BCO1: variants seen among roughly 807,000 people sequenced by gnomAD.
BCO1 encodes beta-carotene oxygenase 1.
In BCO1, 54 loss-of-function variants were observed where a neutral mutation model predicts 56.3. The ratio of observed to expected loss-of-function variants is 0.96; its 90% confidence interval spans 0.77 to 1.20. The LOEUF is 1.20. BCO1 is among the 50% of genes most tolerant of loss of function. The pLI, the probability that BCO1 is intolerant of heterozygous loss-of-function variation, is 0.00. For synonymous variants in BCO1, 318 were observed against 266.1 expected (o/e 1.20, Z -1.90); for missense variants, 801 against 690.9 (o/e 1.16, Z -1.79).
chr16:81,263,022 C>T (rs1906593295), intron 4 of BCO1: 1 of 152,548 alleles, frequency 6.6e-6, no homozygotes, highest in South Asian at 2.1e-4. Flanking sequence ...CCCTGGTGTT[C>T]CTCAGCTTGT....
At chr16:81,267,334 C>A (rs555005273) in intron 5 of BCO1, among the ~76,000 whole-genome samples, 1 of 152,122 alleles carries the variant, frequency 6.6e-6, no homozygotes, top group Non-Finnish European at 1.5e-5. Flanking sequence ...TAATTATGGC[C>A]GGGCGCAGTG....
chr16:81,274,582 TA>T (rs1907439875), intron 7 of BCO1, among the ~76,000 whole-genome samples: 1 of 149,328 alleles, frequency 6.7e-6, no homozygotes, highest in African/African-American at 2.4e-5. Context: ...TGTGTATCTT[TA>T]AAAGCCATCA....
intron 1 of BCO1, among the ~76,000 whole-genome samples, chr16:81,240,245 C>G (rs1354498071): frequency 6.6e-6 from 1 of 151,964 alleles, no homozygotes; most frequent in East Asian, 1.9e-4. Flanking sequence ...ATCTCTTAAC[C>G]ACTATTAATA....
chr16:81,286,336 T>G (rs1465203662), intron 9 of BCO1, among the ~76,000 whole-genome samples: 1 of 152,088 alleles, frequency 6.6e-6, no homozygotes, highest in African/African-American at 2.4e-5. Flanking sequence ...AGAGCAGGAA[T>G]GTACACAGCC....
chr16:81,240,538 C>T (rs1324845562), intron 1 of BCO1, among the ~76,000 whole-genome samples: 1 of 152,010 alleles, frequency 6.6e-6, no homozygotes, highest in Non-Finnish European at 1.5e-5. Context: ...AAATCCCTCT[C>T]TACTAAAAAT....
At chr16:81,245,409 A>AC in intron 1 of BCO1, 66 bp from the exon 2 acceptor site, 2 of 1,612,870 alleles carry the variant, frequency 1.2e-6, no homozygotes, top group Non-Finnish European at 1.7e-6. Flanking sequence ...CCTTTCCATG[A>AC]CCATTTCTTC....
rs116193928 is a variant in BCO1 at position 81,285,839 on chromosome 16, G to A, written c.1302+205G>A. 3.3e-3 allele frequency among the ~76,000 whole-genome samples: 498 copies of A among 152,130 alleles called. 5 individuals carry two copies. Among genetic ancestry groups the A allele is most frequent in the African/African-American group, 0.011 (475 of 41,486 alleles). ...AAGGTTCAGGTAAGAGGTTGTGGCTGGAGTTTATTCACTGATTTCTTTATT... is the reference window on the plus strand; with the variant it reads ...AAGGTTCAGGTAAGAGGTTGTGGCTAGAGTTTATTCACTGATTTCTTTATT... On this transcript the variant is annotated intron_variant, in intron 9 of 10. Coordinates refer to ENST00000258168, the MANE Select transcript of BCO1 (RefSeq NM_017429.3).
At chr16:81,251,483 C>T (rs1905793647) in intron 2 of BCO1, among the ~76,000 whole-genome samples, 1 of 151,968 alleles carries the variant, frequency 6.6e-6, no homozygotes, top group African/African-American at 2.4e-5. Context: ...TCACTTGAGC[C>T]TTGGAGGCAG....
chr16:81,245,327 C>T (rs1905338488), intron 1 of BCO1, 148 bp from the exon 2 acceptor site: 1 of 1,249,234 alleles, frequency 8.0e-7, no homozygotes, highest in African/African-American at 1.5e-5. Context: ...ACACATTATA[C>T]ACTTTCTGGA....
chr16:81,259,879 G>A, intron 3 of BCO1, 74 bp downstream of exon 3: 1 of 1,578,998 alleles, frequency 6.3e-7, no homozygotes, highest in South Asian at 1.1e-5. Flanking sequence ...ACCAGCATTT[G>A]CTCCTCTGAC....
chr16:81,271,628 T>C (rs539789232), intron 7 of BCO1, among the ~76,000 whole-genome samples: 33 of 152,302 alleles, frequency 2.2e-4, no homozygotes, highest in African/African-American at 7.5e-4. Flanking sequence ...CACGTATAAA[T>C]GGAGTCTTAC....
intron 7 of BCO1, among the ~76,000 whole-genome samples, chr16:81,278,363 G>A (rs936487157): frequency 6.6e-6 from 1 of 152,092 alleles, no homozygotes; most frequent in African/African-American, 2.4e-5. Context: ...AGAAGCCACC[G>A]ATGTGCCAGG....
At chr16:81,261,265 C>A (rs1030088280) in intron 3 of BCO1, among the ~76,000 whole-genome samples, 1 of 152,164 alleles carries the variant, frequency 6.6e-6, no homozygotes, top group Non-Finnish European at 1.5e-5. Flanking sequence ...CCCAATACAC[C>A]GATACAGGAT....
At chr16:81,277,468 C>T (rs1181420153) in intron 7 of BCO1, among the ~76,000 whole-genome samples, 1 of 152,168 alleles carries the variant, frequency 6.6e-6, no homozygotes, top group Non-Finnish European at 1.5e-5. Context: ...GCCTATTTTT[C>T]TCAACCATTA....
At chr16:81,271,944 G>T (rs1209721024) in intron 7 of BCO1, among the ~76,000 whole-genome samples, 1 of 151,700 alleles carries the variant, frequency 6.6e-6, no homozygotes, top group Non-Finnish European at 1.5e-5. Context: ...GTGAAGTTTC[G>T]CCATGTTGCC....
intron 1 of BCO1, among the ~76,000 whole-genome samples, chr16:81,240,236 T>A (rs1905051034): frequency 2.0e-5 from 3 of 152,082 alleles, no homozygotes; most frequent in Non-Finnish European, 1.5e-5. Context: ...TATTTTGAAA[T>A]CTCTTAACCA....
rs112624682 is a variant in BCO1, at chr16:81,274,208, G to C, written c.1101+3792G>C. Among the ~76,000 whole-genome samples the C allele has an allele frequency of 8.0e-4, 121 of 150,910 alleles. 3 individuals are homozygous for C. Among genetic ancestry groups the C allele is most frequent in the African/African-American group, 2.8e-3 (117 of 41,130 alleles). The stretch of plus-strand genomic sequence containing the variant: ...GATTTTATAACCTTTTGTCATGCTC[G>C]AGAATGCTTTGCTGCCTTGGAACCA... On this transcript the variant is annotated intron_variant, in intron 7 of 10. Coordinates refer to ENST00000258168, the MANE Select transcript of BCO1 (RefSeq NM_017429.3).
At chr16:81,256,069 A>C (rs1489487616) in intron 2 of BCO1, among the ~76,000 whole-genome samples, 5 of 148,834 alleles carry the variant, frequency 3.4e-5, no homozygotes, top group African/African-American at 1.2e-4. Flanking sequence ...ACCTGCCTCT[A>C]CCTCCCAAAT....
chr16:81,240,691 A>C (rs569276262), intron 1 of BCO1, among the ~76,000 whole-genome samples: 3 of 152,116 alleles, frequency 2.0e-5, no homozygotes, highest in African/African-American at 7.2e-5. Flanking sequence ...GGCAAGAGTG[A>C]GACCCTGTCT....
Sources: allele counts gnomAD v4.1 joint callset (sites outside exome capture counted in the v4.1 genomes callset), GRCh38; gene constraint gnomAD v4.1.1; transcripts MANE v1.5; gene names NCBI Gene and HGNC (gene_info 2026-07-23, HGNC 2026-07-21).